LDLRAD4: variants seen among roughly 807,000 people sequenced by gnomAD.
The protein encoded by LDLRAD4 is low density lipoprotein receptor class A domain containing 4, also known as low-density lipoprotein receptor class A domain-containing protein 4.
LDLRAD4 carries 5 observed loss-of-function variants against 17.0 expected under a neutral mutation model. That is an observed-to-expected ratio of 0.29 (90% CI 0.15 to 0.62). The LOEUF is 0.62. Ranked by LOEUF, LDLRAD4 falls within the 20% of genes least tolerant of loss-of-function variation. The probability of loss-of-function intolerance (pLI) is 0.84; values close to 1 mark genes in which losing one functional copy is unlikely to be tolerated. For missense variants in LDLRAD4, 340 were observed against 424.7 expected (o/e 0.80, Z 1.75); for synonymous variants, 168 against 171.8 (o/e 0.98, Z 0.17).
Position 13,649,216 on chromosome 18 carries a change from C to T in LDLRAD4, c.*3559C>T, listed in dbSNP as rs555400594. The T allele has an allele frequency of 5.9e-5, 9 of 152,322 alleles. No individual in the cohort carries two copies. In the East Asian group the frequency reaches 7.7e-4, roughly 13 times the overall value. The allele number at this position is 152,322 out of a possible 1,614,324, so 9.4% of individuals were successfully genotyped here. On this transcript the variant is annotated 3_prime_UTR_variant, in exon 6 of 6. Transcript: ENST00000359446. The stretch of plus-strand genomic sequence containing the variant: ...TGACACCAGCAGAGGAATTTTGTAC[C>T]CAGGCGAGGACTTCTTGAACTTCTG...
intron 1 of LDLRAD4, among the ~76,000 whole-genome samples, chr18:13,281,727 T>A (rs908454521): frequency 2.6e-5 from 4 of 152,140 alleles, no homozygotes; most frequent in Admixed American, 2.6e-4. Context: ...TTCTGAGTTC[T>A]TCAGCCTTAT....
intron 1 of LDLRAD4, among the ~76,000 whole-genome samples, chr18:13,350,899 T>A (rs1270870255): frequency 6.6e-6 from 1 of 152,232 alleles, no homozygotes; most frequent in East Asian, 1.9e-4. Flanking sequence ...CCTTTCCCCA[T>A]TGCTTGTTTT....
chr18:13,313,854 A>G (rs990265909), intron 1 of LDLRAD4, among the ~76,000 whole-genome samples: 2 of 152,084 alleles, frequency 1.3e-5, no homozygotes, highest in African/African-American at 4.8e-5. Context: ...CCTTGATGAC[A>G]TATTTTAGCG....
At chr18:13,230,361 A>T (rs2042010900) in intron 1 of LDLRAD4, among the ~76,000 whole-genome samples, 1 of 151,812 alleles carries the variant, frequency 6.6e-6, no homozygotes, top group East Asian at 1.9e-4. Context: ...AAAAGAACAG[A>T]TTTTTTTTTA....
chr18:13,240,351 C>G (rs1207158113), intron 1 of LDLRAD4: 1 of 152,188 alleles, frequency 6.6e-6, no homozygotes, highest in African/African-American at 2.4e-5. Flanking sequence ...GGCAGGGAAG[C>G]GGAAAAAGGC....
chr18:13,248,011 A>G (rs546668071), intron 1 of LDLRAD4, among the ~76,000 whole-genome samples: 16 of 132,798 alleles, frequency 1.2e-4, no homozygotes, highest in Non-Finnish European at 1.7e-4. Context: ...CCCAGGCTGG[A>G]GTACAATGGC....
At chr18:13,576,440 A>AT (rs1491430280) in intron 3 of LDLRAD4, among the ~76,000 whole-genome samples, 1 of 82,678 alleles carries the variant, frequency 1.2e-5, no homozygotes, top group Non-Finnish European at 3.2e-5. Context: ...AAAAAAAAAA[A>AT]GAAAGAAAGA....
chr18:13,430,570 A>G (rs1600216462), intron 2 of LDLRAD4, among the ~76,000 whole-genome samples: 1 of 152,204 alleles, frequency 6.6e-6, no homozygotes, highest in Non-Finnish European at 1.5e-5. Flanking sequence ...GGGCCCCCAG[A>G]GGTGCCTTTC....
At chr18:13,428,267 A>T (rs2090089750) in intron 2 of LDLRAD4, among the ~76,000 whole-genome samples, 1 of 152,064 alleles carries the variant, frequency 6.6e-6, no homozygotes, top group African/African-American at 2.4e-5. Context: ...GGCCACGGCG[A>T]TGGTGATGTT....
intron 3 of LDLRAD4, chr18:13,562,885 G>C (rs2094556611): frequency 6.6e-6 from 1 of 152,240 alleles, no homozygotes; most frequent in South Asian, 2.1e-4. Context: ...CTAACTTTTG[G>C]AAACATTCAG....
chr18:13,490,339 T>G (rs930571840), intron 3 of LDLRAD4: 2 of 152,220 alleles, frequency 1.3e-5, no homozygotes, highest in Non-Finnish European at 2.9e-5. Flanking sequence ...CATTTTAGAT[T>G]CAGATTTTTG....
At chr18:13,417,007 C>T (rs1203451178) in intron 2 of LDLRAD4, among the ~76,000 whole-genome samples, 1 of 152,196 alleles carries the variant, frequency 6.6e-6, no homozygotes, top group African/African-American at 2.4e-5. Flanking sequence ...GTGGCTTGCG[C>T]AAGATTGCAC....
intron 1 of LDLRAD4, among the ~76,000 whole-genome samples, chr18:13,251,231 C>T (rs1300137681): frequency 6.6e-6 from 1 of 152,152 alleles, no homozygotes; most frequent in Non-Finnish European, 1.5e-5. Context: ...TGTACCTCAA[C>T]ACAATAAGGG....
At chr18:13,247,958 G>A (rs117580498) in intron 1 of LDLRAD4, among the ~76,000 whole-genome samples, 12 of 20,438 alleles carry the variant, frequency 5.9e-4, no homozygotes, top group African/African-American at 1.5e-3. Flanking sequence ...GCCGCCCCCC[G>A]CCTTTTTTTT....
intron 3 of LDLRAD4, among the ~76,000 whole-genome samples, chr18:13,565,921 C>T (rs1055981738): frequency 6.6e-6 from 1 of 152,204 alleles, no homozygotes; most frequent in African/African-American, 2.4e-5. Flanking sequence ...AAGACTGTGA[C>T]GATGATGTCC....
intron 2 of LDLRAD4, among the ~76,000 whole-genome samples, chr18:13,402,582 A>G (rs1181736158): frequency 6.6e-6 from 1 of 152,204 alleles, no homozygotes; most frequent in African/African-American, 2.4e-5. Flanking sequence ...TTTGTGACCA[A>G]GAGTCCTAAG....
At chr18:13,251,103 A>T (rs1176534992) in intron 1 of LDLRAD4, among the ~76,000 whole-genome samples, 2 of 152,228 alleles carry the variant, frequency 1.3e-5, no homozygotes, top group Non-Finnish European at 2.9e-5. Context: ...ATTAAATCAC[A>T]TCAGCAGAAT....
At chr18:13,417,656 G>A (rs12966088) in intron 2 of LDLRAD4, among the ~76,000 whole-genome samples, 5 of 151,894 alleles carry the variant, frequency 3.3e-5, no homozygotes, top group Non-Finnish European at 5.9e-5. Context: ...GGATGGTCTC[G>A]ATCTCCTGAC....
At chr18:13,564,420 T>C (rs1464585212) in intron 3 of LDLRAD4, among the ~76,000 whole-genome samples, 1 of 151,838 alleles carries the variant, frequency 6.6e-6, no homozygotes, top group African/African-American at 2.4e-5. Context: ...AGCGCTCGCC[T>C]TTGCCAGGTG....
Sources: gnomAD v4.1 joint callset for allele counts (sites outside exome capture counted in the v4.1 genomes callset) on GRCh38, gnomAD v4.1.1 for gene constraint, MANE v1.5 for transcripts, NCBI Gene and HGNC (gene_info 2026-07-23, HGNC 2026-07-21) for gene names.